NDUFAB1: variants seen among roughly 807,000 people sequenced by gnomAD.
NDUFAB1 encodes NADH:ubiquinone oxidoreductase subunit AB1.
NDUFAB1 carries 5 observed loss-of-function variants against 16.1 expected under a neutral mutation model. That is an observed-to-expected ratio of 0.31 (90% CI 0.16 to 0.65). NDUFAB1 has a LOEUF of 0.65. Among genes scored for constraint, NDUFAB1 ranks in the 30% least tolerant of loss-of-function variants. The pLI, the probability that NDUFAB1 is intolerant of heterozygous loss-of-function variation, is 0.77. For synonymous variants in NDUFAB1, 85 were observed against 78.4 expected (o/e 1.08, Z -0.44); for missense variants, 187 against 205.3 (o/e 0.91, Z 0.54).
At chr16:23,581,434 TACTC>T (rs1966178556) in intron 4 of NDUFAB1, among the ~76,000 whole-genome samples, 1 of 151,918 alleles carries the variant, frequency 6.6e-6, no homozygotes, top group Admixed American at 6.6e-5. Context: ...TAATCCCAGT[TACTC>T]AGGAGGCTGA....
intron 3 of NDUFAB1, 97 bp from the exon 4 acceptor site, chr16:23,582,472 CA>C (rs1966188403): frequency 2.2e-6 from 3 of 1,353,766 alleles, no homozygotes; most frequent in Non-Finnish European, 2.8e-6. Context: ...ACAAGTATAT[CA>C]AAACTTTCAG....
At chr16:23,584,518 G>C (rs185826523) in intron 3 of NDUFAB1, among the ~76,000 whole-genome samples, 49 of 151,600 alleles carry the variant, frequency 3.2e-4, no homozygotes, top group Admixed American at 8.6e-4. Context: ...GGTTTTGGTA[G>C]TTAGCTTACT....
At chr16:23,587,830 G>A (rs1273661092) in intron 1 of NDUFAB1, among the ~76,000 whole-genome samples, 1 of 152,248 alleles carries the variant, frequency 6.6e-6, no homozygotes, top group African/African-American at 2.4e-5. Context: ...CCTGATCTCA[G>A]CCAGGACAAA....
intron 1 of NDUFAB1, chr16:23,595,511 G>A (rs1966316747): frequency 2.2e-6 from 1 of 452,122 alleles, no homozygotes. Flanking sequence ...CGTAAATACT[G>A]GTCGCGTTTG....
intron 3 of NDUFAB1, among the ~76,000 whole-genome samples, chr16:23,584,309 C>T (rs144132626): frequency 1.4e-5 from 2 of 145,868 alleles, no homozygotes; most frequent in East Asian, 4.1e-4. Flanking sequence ...ACTCCCCATC[C>T]TCCCTAGCTC....
chr16:23,588,330 C>A (rs753857218), intron 1 of NDUFAB1, among the ~76,000 whole-genome samples: 95 of 151,930 alleles, frequency 6.3e-4, no homozygotes, highest in Non-Finnish European at 9.3e-4. Flanking sequence ...TGGTGGGCGC[C>A]TGTAATCCCA....
At chr16:23,595,447 C>T (rs1287943486) in intron 1 of NDUFAB1, 2 of 397,460 alleles carry the variant, frequency 5.0e-6, no homozygotes, top group Non-Finnish European at 5.0e-6. Flanking sequence ...GTCAGCCTTG[C>T]AGAATCCGCT....
intron 1 of NDUFAB1, among the ~76,000 whole-genome samples, chr16:23,593,867 T>G (rs1313131244): frequency 6.7e-6 from 1 of 150,286 alleles, no homozygotes; most frequent in Admixed American, 6.6e-5. Context: ...TTTATTTATT[T>G]ATTTATTTAT....
rs367616304 is a variant in NDUFAB1 at position 23,585,458 on chromosome 16, C to G, written c.292-35G>C. 6.0e-5 allele frequency: 89 copies of G among 1,478,618 alleles called. No homozygotes were observed. The African/African-American group carries it at 1.2e-3, about 20-fold the overall frequency. The allele number at this position is 1,478,618 out of a possible 1,614,324, so 91.6% of individuals were successfully genotyped here. A position where few individuals can be genotyped will look rare whatever the true frequency, so the allele number is the denominator to read the frequency against. On this transcript the variant is annotated intron_variant, in intron 2 of 4. Coordinates refer to ENST00000007516, the MANE Select transcript of NDUFAB1 (RefSeq NM_005003.3). ...AGGAGCACCAAACACAAAATTTAGT[C>G]CATGAAAGCATCTGCTTCCCAAGAT...
At chr16:23,582,524 T>A in intron 3 of NDUFAB1, 149 bp from the exon 4 acceptor site, 2 of 1,057,402 alleles carry the variant, frequency 1.9e-6, no homozygotes, top group Non-Finnish European at 2.5e-6. Context: ...AGTTAGCTTC[T>A]AGACAGTATG....
rs753966554 is a variant in NDUFAB1 at position 23,582,277 on chromosome 16, T to C, written c.*7A>G. 2 of 1,512,854 alleles carry C rather than the reference T, an allele frequency of 1.3e-6. No individual in the cohort carries two copies. The highest frequency in any genetic ancestry group is 1.8e-6 in the Non-Finnish European group (2 of 1,132,626). The allele number at this position is 1,512,854 out of a possible 1,614,324, so 93.7% of individuals were successfully genotyped here. On this transcript the variant is annotated splice_region_variant and 3_prime_UTR_variant, in exon 4 of 5. Coordinates refer to ENST00000007516, the MANE Select transcript of NDUFAB1 (RefSeq NM_005003.3). ...ACATCATTTTTTAAGTCTATTTACC[T>C]GATACTTTATTCATATACATCCTTC... is the stretch of plus-strand genomic sequence containing the variant.
At chr16:23,583,744 C>G (rs868133000) in intron 3 of NDUFAB1, among the ~76,000 whole-genome samples, 1 of 150,924 alleles carries the variant, frequency 6.6e-6, no homozygotes, top group African/African-American at 2.4e-5. Flanking sequence ...CGGCAGCCGC[C>G]CCGTCAGGGA....
Position 23,585,579 on chromosome 16 carries a change from G to A in NDUFAB1, c.292-156C>T, listed in dbSNP as rs560705264. On this transcript the variant is annotated intron_variant, in intron 2 of 4. Transcript: ENST00000007516. The stretch of plus-strand genomic sequence containing the variant: ...CACAACGTGCAGGTTTGTTACATAG[G>A]TATACATGTGCCATGTTGGTTTGCT... Among the ~76,000 whole-genome samples the A allele has an allele frequency of 5.3e-5, 8 of 152,276 alleles. No individual in the cohort carries two copies. In the South Asian group the frequency reaches 1.7e-3, roughly 32 times the overall value.
At chr16:23,590,569 A>G (rs1333475492) in intron 1 of NDUFAB1, among the ~76,000 whole-genome samples, 1 of 151,510 alleles carries the variant, frequency 6.6e-6, no homozygotes, top group Non-Finnish European at 1.5e-5. Flanking sequence ...AGCTAGTTTG[A>G]TACCTTGGCT....
At chr16:23,583,141 T>G (rs1966197407) in intron 3 of NDUFAB1, among the ~76,000 whole-genome samples, 1 of 152,198 alleles carries the variant, frequency 6.6e-6, no homozygotes, top group Admixed American at 6.5e-5. Context: ...CAGGCTGGAG[T>G]GCAGTGGCGT....
intron 1 of NDUFAB1, among the ~76,000 whole-genome samples, chr16:23,594,358 C>A (rs1966304863): frequency 6.6e-6 from 1 of 151,858 alleles, no homozygotes; most frequent in South Asian, 2.1e-4. Flanking sequence ...GTCGATCTGG[C>A]ACGGGCTGGC....
intron 1 of NDUFAB1, among the ~76,000 whole-genome samples, chr16:23,593,298 TAGG>T (rs1437631161): frequency 2.0e-5 from 3 of 151,902 alleles, no homozygotes; most frequent in South Asian, 2.1e-4. Flanking sequence ...CCCAACAAGG[TAGG>T]AGGACAAACC....
chr16:23,594,752 TGCTGGGATTACAG>T (rs1248132379), intron 1 of NDUFAB1, among the ~76,000 whole-genome samples: 1 of 149,658 alleles, frequency 6.7e-6, no homozygotes, highest in Non-Finnish European at 1.5e-5. Flanking sequence ...CCTCCCAAAG[TGCTGGGATTACAG>T]GCGTGAGCCA....
chr16:23,582,087 C>T (rs191438158), intron 4 of NDUFAB1, 189 bp downstream of exon 4: 61 of 541,122 alleles, frequency 1.1e-4, no homozygotes, highest in African/African-American at 1.1e-3. Context: ...AATGACAGTT[C>T]TCAACCTCTC....
Sources: gnomAD v4.1 joint callset for allele counts (sites outside exome capture counted in the v4.1 genomes callset) on GRCh38, gnomAD v4.1.1 for gene constraint, MANE v1.5 for transcripts, NCBI Gene and HGNC (gene_info 2026-07-23, HGNC 2026-07-21) for gene names.